ANKS1B: variants seen among roughly 807,000 people sequenced by gnomAD.
The protein encoded by ANKS1B is ankyrin repeat and sterile alpha motif domain containing 1B.
ANKS1B carries 36 observed loss-of-function variants against 148.3 expected under a neutral mutation model. The ratio of observed to expected loss-of-function variants is 0.24; its 90% CI spans 0.19 to 0.32. The LOEUF is 0.32. Ranked by LOEUF, ANKS1B falls within the 10% of genes least tolerant of loss-of-function variation. ANKS1B has a pLI of 1.00. For synonymous variants in ANKS1B, 542 were observed against 560.8 expected, an observed-to-expected ratio of 0.97 and a Z score of 0.47; for missense variants, 1,157 against 1,542.6, an observed-to-expected ratio of 0.75 and a Z score of 4.19.
At chr12:99,129,641 C>T (rs1600638371) in intron 15 of ANKS1B, among the ~76,000 whole-genome samples, 1 of 152,120 alleles carries the variant, frequency 6.6e-6, no homozygotes, top group South Asian at 2.1e-4. Flanking sequence ...ATCAGAGATC[C>T]TCCACCTTGC....
chr12:99,108,701 G>A (rs1285256677), intron 15 of ANKS1B, among the ~76,000 whole-genome samples: 1 of 152,104 alleles, frequency 6.6e-6, no homozygotes, highest in Non-Finnish European at 1.5e-5. Context: ...AGAAATGGTT[G>A]CCGAGAAAAA....
chr12:98,746,708 T>C (rs571197801), intron 26 of ANKS1B, among the ~76,000 whole-genome samples: 5 of 152,268 alleles, frequency 3.3e-5, no homozygotes, highest in African/African-American at 1.2e-4. Context: ...CCGTAAATAA[T>C]AGGCACACAA....
intron 1 of ANKS1B, among the ~76,000 whole-genome samples, chr12:99,829,849 A>G (rs987078961): frequency 2.0e-5 from 3 of 152,164 alleles, no homozygotes; most frequent in Non-Finnish European, 4.4e-5. Context: ...AAACAAAAAC[A>G]AAAAAGGACC....
chr12:99,967,907 CAAAAAAAAA>C (rs71436975), intron 1 of ANKS1B, among the ~76,000 whole-genome samples: 2 of 106,882 alleles, frequency 1.9e-5, no homozygotes, highest in Admixed American at 2.0e-4. Context: ...AACTCCGTCT[CAAAAAAAAA>C]AAAAAAAGAA....
At chr12:99,483,335 T>C (rs560131007) in intron 10 of ANKS1B, among the ~76,000 whole-genome samples, 12 of 152,030 alleles carry the variant, frequency 7.9e-5, no homozygotes, top group Non-Finnish European at 1.6e-4. Context: ...CATCCCTGCA[T>C]CCCTGGGAGG....
rs117156358 is a variant in ANKS1B, at chr12:99,933,786, G to C, written c.134+50318C>G. Among the ~76,000 whole-genome samples, 247 of 152,178 alleles carry C rather than the reference G, an allele frequency of 1.6e-3. 9 individuals carry two copies. The East Asian group carries it at 0.04, about 25-fold the overall frequency. On this transcript the variant is annotated intron_variant, in intron 1 of 26. Transcript: ENST00000683438. ...ACTTGCAGTACCATGTTGAATAACAGTAGTGAAAGGAAGCATCTTTGTCTT... is the reference window on the plus strand; with the variant it reads ...ACTTGCAGTACCATGTTGAATAACACTAGTGAAAGGAAGCATCTTTGTCTT...
chr12:99,589,473 T>TCC (rs76119057), intron 9 of ANKS1B, among the ~76,000 whole-genome samples: 2,868 of 152,282 alleles, frequency 0.019, 81 homozygotes, highest in South Asian at 0.075. Flanking sequence ...TCATTTAGGT[T>TCC]CCCTTGCTCC....
intron 17 of ANKS1B, among the ~76,000 whole-genome samples, chr12:99,052,890 A>G (rs1368558967): frequency 6.6e-6 from 1 of 152,104 alleles, no homozygotes; most frequent in Non-Finnish European, 1.5e-5. Flanking sequence ...ATAACTGAAA[A>G]AATTTCCTAA....
chr12:99,057,184 A>C (rs1239178235), intron 16 of ANKS1B, among the ~76,000 whole-genome samples: 1 of 152,206 alleles, frequency 6.6e-6, no homozygotes, highest in African/African-American at 2.4e-5. Context: ...ATCTTTGGCA[A>C]GTTACTCTTT....
intron 1 of ANKS1B, among the ~76,000 whole-genome samples, chr12:99,845,354 C>T (rs2086478023): frequency 6.6e-6 from 1 of 152,086 alleles, no homozygotes; most frequent in South Asian, 2.1e-4. Context: ...ATAATATTGG[C>T]TGTGGGTTTG....
At chr12:99,933,730 T>G (rs1397418611) in intron 1 of ANKS1B, among the ~76,000 whole-genome samples, 1 of 152,168 alleles carries the variant, frequency 6.6e-6, no homozygotes, top group African/African-American at 2.4e-5. Context: ...ATGCTCTTTC[T>G]TTCTTTCTCT....
chr12:98,930,761 T>C (rs2152959495), intron 17 of ANKS1B, among the ~76,000 whole-genome samples: 1 of 152,116 alleles, frequency 6.6e-6, no homozygotes, highest in Admixed American at 6.6e-5. Context: ...TGACTGCTCA[T>C]GGTTATGGGG....
At chr12:99,863,080 C>T (rs534127412) in intron 1 of ANKS1B, among the ~76,000 whole-genome samples, 7 of 152,250 alleles carry the variant, frequency 4.6e-5, no homozygotes, top group South Asian at 2.1e-4. Flanking sequence ...ATGTGTGCTG[C>T]GCCATTCATA....
chr12:99,218,048 T>G (rs2084501512), intron 14 of ANKS1B, among the ~76,000 whole-genome samples: 1 of 152,180 alleles, frequency 6.6e-6, no homozygotes, highest in Non-Finnish European at 1.5e-5. Context: ...GAGAATGTCC[T>G]ACCATGGGTA....
intron 17 of ANKS1B, among the ~76,000 whole-genome samples, chr12:98,896,517 C>T (rs1407777201): frequency 2.6e-5 from 4 of 152,162 alleles, no homozygotes; most frequent in Admixed American, 6.5e-5. Flanking sequence ...TCTAAATGCC[C>T]TCTGTTTTGT....
intron 14 of ANKS1B, among the ~76,000 whole-genome samples, chr12:99,178,736 A>G (rs1200789423): frequency 6.6e-6 from 1 of 152,218 alleles, no homozygotes; most frequent in Non-Finnish European, 1.5e-5. Context: ...TTTGCCTAAT[A>G]GATCATAAAT....
intron 9 of ANKS1B, among the ~76,000 whole-genome samples, chr12:99,654,798 T>C (rs888319664): frequency 6.6e-6 from 1 of 152,194 alleles, no homozygotes; most frequent in Non-Finnish European, 1.5e-5. Flanking sequence ...ATTCAAAATA[T>C]TAAAACCTCA....
chr12:99,815,776 G>A (rs1565783414), intron 2 of ANKS1B, among the ~76,000 whole-genome samples: 4 of 151,722 alleles, frequency 2.6e-5, no homozygotes. Context: ...ACTTCACTTA[G>A]AATAACGGCT....
chr12:99,471,317 A>G (rs1325459923), intron 10 of ANKS1B, among the ~76,000 whole-genome samples: 1 of 152,054 alleles, frequency 6.6e-6, no homozygotes, highest in Non-Finnish European at 1.5e-5. Flanking sequence ...CTTGTTATAC[A>G]TCATATATAT....
Sources: allele counts gnomAD v4.1 joint callset (sites outside exome capture counted in the v4.1 genomes callset), GRCh38; gene constraint gnomAD v4.1.1; transcripts MANE v1.5; gene names NCBI Gene and HGNC (gene_info 2026-07-23, HGNC 2026-07-21).